Variants in TMEM53 observed in about 807,000 individuals in gnomAD.
The protein encoded by TMEM53 is novel DUF829 domain-containing protein.
A neutral mutation model predicts 21.4 loss-of-function variants in TMEM53; 14 were observed. The ratio of observed to expected loss-of-function variants is 0.65; its 90% CI spans 0.43 to 1.02. The LOEUF is 1.02. TMEM53 is among the 50% of genes least tolerant of loss of function. The pLI is 0.00. For missense variants in TMEM53, 323 were observed against 383.6 expected, an observed-to-expected ratio of 0.84 and a Z score of 1.32; for synonymous variants, 148 against 157.4, an observed-to-expected ratio of 0.94 and a Z score of 0.45.
At chr1:44,673,098 T>G (rs1166117557) in intron 1 of TMEM53, among the ~76,000 whole-genome samples, 11 of 152,236 alleles carry the variant, frequency 7.2e-5, no homozygotes, top group Admixed American at 5.9e-4. Context: ...TTAACTGACT[T>G]CATGGCTTGC....
chr1:44,667,442 G>A lies in TMEM53; in HGVS notation c.61+6889C>T, dbSNP rs534806853. On this transcript the variant is annotated intron_variant, in intron 1 of 2. Transcript: ENST00000372237. ...CCTGCCTCAGCCTCCCTAGTTGCTGGGATTACAGGCGCCCACCATCATGCC... is the reference window on the plus strand; with the variant it reads ...CCTGCCTCAGCCTCCCTAGTTGCTGAGATTACAGGCGCCCACCATCATGCC... Among the ~76,000 whole-genome samples the A allele has an allele frequency of 2.5e-4, 38 of 151,428 alleles. No homozygotes were observed. In the South Asian group the frequency reaches 6.1e-3, roughly 24 times the overall value.
At chr1:44,662,575 T>C (rs1460319627) in intron 1 of TMEM53, among the ~76,000 whole-genome samples, 1 of 152,090 alleles carries the variant, frequency 6.6e-6, no homozygotes, top group Non-Finnish European at 1.5e-5. Flanking sequence ...CAGCTACCGT[T>C]TGAACCTGCT....
intron 1 of TMEM53, among the ~76,000 whole-genome samples, chr1:44,673,504 C>G (rs1025161599): frequency 6.6e-6 from 1 of 152,200 alleles, no homozygotes. Flanking sequence ...AGAGACCAAA[C>G]TTTCCACTCT....
chr1:44,670,669 C>A (rs1644992195), intron 1 of TMEM53, among the ~76,000 whole-genome samples: 1 of 152,192 alleles, frequency 6.6e-6, no homozygotes, highest in Non-Finnish European at 1.5e-5. Flanking sequence ...TTGACCTCAG[C>A]CAGTGATGAG....
chr1:44,654,834 G>C lies in TMEM53; in HGVS notation c.559C>G (p.Leu187Val), dbSNP rs563016815. The stretch of plus-strand genomic sequence containing the variant: ...AAGAGGGCTGTGATGGGAGCAAGCA[G>C]GACGTGGAACAGGACGACCACCAGG... ...FALVVVLFHV[L>V]LAPITALFHT... The change falls in exon 3 of 3, where the codon CTG becomes GTG. Residue 187 changes from leucine to valine, a missense_variant. Leu to Val is a conservative substitution (Grantham distance 32, BLOSUM62 1). Transcript: ENST00000372237. The surrounding 1 kb of genome is among the most constrained non-coding windows in gnomAD (Gnocchi z 7.0). The C allele has an allele frequency of 1.2e-6, 2 of 1,613,342 alleles. No homozygotes were observed. Among genetic ancestry groups the C allele is most frequent in the South Asian group, 2.2e-5 (2 of 91,084 alleles).
Position 44,674,413 on chromosome 1 carries a change from C to A in TMEM53, c.-22G>T. On this transcript the variant is annotated 5_prime_UTR_variant, in exon 1 of 3. Coordinates refer to ENST00000372237, the MANE Select transcript of TMEM53 (RefSeq NM_024587.4). ...CCATGGTGAAGGCGCCGGCCCAGAGCACGGGTCTCCAGCCGGAACTCCCGC... is the reference window on the plus strand; with the variant it reads ...CCATGGTGAAGGCGCCGGCCCAGAGAACGGGTCTCCAGCCGGAACTCCCGC... 1 of 1,598,734 alleles carries A rather than the reference C, an allele frequency of 6.3e-7. No homozygotes were observed. Among genetic ancestry groups the A allele is most frequent in the Non-Finnish European group, 8.5e-7 (1 of 1,173,328 alleles).
At chr1:44,661,722 G>A (rs1481668387) in intron 1 of TMEM53, among the ~76,000 whole-genome samples, 1 of 152,190 alleles carries the variant, frequency 6.6e-6, no homozygotes, top group Non-Finnish European at 1.5e-5. Context: ...GCAAAGTGTA[G>A]GGCTGGGAAT....
rs1458951266 is a variant in TMEM53 at position 44,654,599 on chromosome 1, C to T, written c.794G>A (p.Ser265Asn). The T allele has an allele frequency of 1.4e-5, 23 of 1,612,672 alleles. No individual in the cohort carries two copies. The highest frequency in any genetic ancestry group is 1.9e-5 in the Non-Finnish European group (22 of 1,179,064). ...GTTGCGCATGAAGTCGACACAGAGG[C>T]TTGTGTAGTAAGTAGGGTAGTCACG... is the stretch of plus-strand genomic sequence containing the variant. ...HLRDYPTYYT[S>N]LCVDFMRNCV... Residue 265 changes from serine (S) to asparagine (N), a missense_variant, in exon 3 of 3, where the codon AGC becomes AAC. Physicochemically the swap from Ser to Asn is conservative, Grantham distance 46. Around this residue, in one of 3 missense-constraint regions of TMEM53, gnomAD observed 269 missense variants for 334.5 expected, o/e 0.80. Coordinates refer to ENST00000372237, the MANE Select transcript of TMEM53 (RefSeq NM_024587.4). This position sits in a 1 kb window ranked among gnomAD's most constrained non-coding sequence, Gnocchi z 7.0.
At chr1:44,664,509 C>G (rs115833485) in intron 1 of TMEM53, among the ~76,000 whole-genome samples, 1 of 151,484 alleles carries the variant, frequency 6.6e-6, no homozygotes, top group Non-Finnish European at 1.5e-5. Flanking sequence ...ATTTTACAGA[C>G]GAAAACCTGA....
In TMEM53 at chr1:44,654,847, G is replaced by A. The variant is rs1367933195; in HGVS notation, c.546C>T (p.Val182=). The change falls in exon 3 of 3, where the codon GTC becomes GTT. Residue 182 remains valine, a synonymous_variant. Coordinates refer to ENST00000372237, the MANE Select transcript of TMEM53 (RefSeq NM_024587.4). This position sits in a 1 kb window ranked among gnomAD's most constrained non-coding sequence, Gnocchi z 7.0. ...TGGGAGCAAGCAGGACGTGGAACAG[G>A]ACGACCACCAGGGCAAAGGCCACCA... ...LLLVAFALVV[V]LFHVLLAPIT... 5 of 1,612,874 alleles carry A rather than the reference G, an allele frequency of 3.1e-6. No homozygotes were observed. The Admixed American group carries it at 8.3e-5, about 27-fold the overall frequency.
At chr1:44,664,419 T>A (rs1482508888) in intron 1 of TMEM53, among the ~76,000 whole-genome samples, 3 of 144,902 alleles carry the variant, frequency 2.1e-5, no homozygotes, top group Non-Finnish European at 4.5e-5. Context: ...GCCATTGCAC[T>A]CCAGCCTGGG....
At position 44,654,116 on chromosome 1, in the gene TMEM53, G is replaced by A. The variant is rs989873254; in HGVS notation, c.*443C>T. 6.4e-6 allele frequency: 1 copy of A among 155,248 alleles called. No individual in the cohort carries two copies. Among genetic ancestry groups the A allele is most frequent in the African/African-American group, 2.4e-5 (1 of 41,424 alleles). 9.6% of individuals were successfully genotyped at this position (155,248 alleles called of 1,614,324 possible). A position where few individuals can be genotyped will look rare whatever the true frequency, so the allele number is the denominator to read the frequency against. On this transcript the variant is annotated 3_prime_UTR_variant, in exon 3 of 3. Transcript: ENST00000372237. This position sits in a 1 kb window ranked among gnomAD's most constrained non-coding sequence, Gnocchi z 7.0. ...CACCCCAGCCTAGGTGACAGAGTGAGACCCTGTCTTGAAATAAATAGATAA... is the reference window on the plus strand; with the variant it reads ...CACCCCAGCCTAGGTGACAGAGTGAAACCCTGTCTTGAAATAAATAGATAA...
chr1:44,655,142 G>A lies in TMEM53; in HGVS notation c.251C>T (p.Pro84Leu). ...CTTCTGGGCCAAAACACGAAGTGAAGGGATACCCAGTGACTCGGAGAAGAA... is the reference window on the plus strand; with the variant it reads ...CTTCTGGGCCAAAACACGAAGTGAAAGGATACCCAGTGACTCGGAGAAGAA... ...MVFFSESLGI[P>L]SLRVLAQKLL... is the part of the protein sequence containing the mutation. The change falls in exon 3 of 3, where the codon CCT becomes CTT. Residue 84 changes from proline to leucine, a missense_variant. Pro to Leu is a moderately conservative substitution (Grantham distance 98). Coordinates refer to ENST00000372237, the MANE Select transcript of TMEM53 (RefSeq NM_024587.4). The surrounding 1 kb of genome is among the most constrained non-coding windows in gnomAD (Gnocchi z 4.4). 1 of 1,614,142 alleles carries A rather than the reference G, an allele frequency of 6.2e-7. No individual in the cohort carries two copies. Among genetic ancestry groups the A allele is most frequent in the Non-Finnish European group, 8.5e-7 (1 of 1,180,010 alleles).
chr1:44,661,006 G>A (rs2148532187), intron 1 of TMEM53, among the ~76,000 whole-genome samples: 1 of 151,814 alleles, frequency 6.6e-6, no homozygotes. Context: ...AATATTTTGT[G>A]ACACGTGAAA....
chr1:44,654,551 C>T lies in TMEM53; in HGVS notation c.*8G>A. ...TTTCTGGAGCAGAGGTGAGATGGAG[C>T]AATGGCCTCAGCAGCGGACGCAGTT... On this transcript the variant is annotated 3_prime_UTR_variant, in exon 3 of 3. Coordinates refer to ENST00000372237, the MANE Select transcript of TMEM53 (RefSeq NM_024587.4). This position sits in a 1 kb window ranked among gnomAD's most constrained non-coding sequence, Gnocchi z 7.0. 1 of 1,597,526 alleles carries T rather than the reference C, an allele frequency of 6.3e-7. No individual in the cohort carries two copies.
chr1:44,668,041 T>C (rs1042906516), intron 1 of TMEM53, among the ~76,000 whole-genome samples: 10 of 152,158 alleles, frequency 6.6e-5, no homozygotes, highest in Admixed American at 2.6e-4. Context: ...CAGGGGCATA[T>C]GGGGAAGACA....
At chr1:44,664,758 A>G (rs1644933066) in intron 1 of TMEM53, among the ~76,000 whole-genome samples, 1 of 152,130 alleles carries the variant, frequency 6.6e-6, no homozygotes, top group African/African-American at 2.4e-5. Context: ...GAACTTCAAT[A>G]TATGCTGCCT....
chr1:44,668,276 C>T (rs1644966200), intron 1 of TMEM53, among the ~76,000 whole-genome samples: 1 of 152,024 alleles, frequency 6.6e-6, no homozygotes, highest in African/African-American at 2.4e-5. Flanking sequence ...CCCGTCTCTA[C>T]TAAAAATACA....
intron 1 of TMEM53, among the ~76,000 whole-genome samples, chr1:44,663,889 T>C (rs1644923386): frequency 6.6e-6 from 1 of 152,204 alleles, no homozygotes; most frequent in Non-Finnish European, 1.5e-5. Flanking sequence ...TCATTTATTA[T>C]TCACAACACA....
Sources: gnomAD v4.1 joint callset for allele counts (sites outside exome capture counted in the v4.1 genomes callset) on GRCh38, gnomAD v4.1.1 for gene constraint, gnomAD v4.1.1 regional missense constraint, Gnocchi (gnomAD v3.1) non-coding constraint, MANE v1.5 for transcripts, NCBI Gene and HGNC (gene_info 2026-07-23, HGNC 2026-07-21) for gene names.